COL4A5: variants seen among roughly 807,000 people sequenced by gnomAD.
The protein encoded by COL4A5 is collagen type IV alpha 5 chain, also known as collagen alpha-5(IV) chain.
COL4A5 carries 26 observed loss-of-function variants against 130.2 expected under a neutral mutation model. The observed-to-expected ratio is 0.20, with a 90% CI of 0.15 to 0.28. The LOEUF (loss-of-function observed/expected upper bound fraction) is 0.28, where lower values mean the gene tolerates loss of function less well. COL4A5 is among the 10% of genes least tolerant of loss of function. The pLI, the probability that COL4A5 is intolerant of heterozygous loss-of-function variation, is 1.00. For missense variants in COL4A5, 1,131 were observed against 1,344.3 expected (o/e 0.84, Z 2.48); for synonymous variants, 496 against 439.6 (o/e 1.13, Z -1.60).
chrX:108,621,726 G>A, intron 31 of COL4A5, 77 bp from the exon 32 acceptor site: 1 of 816,574 alleles, frequency 1.2e-6, no homozygotes, highest in Non-Finnish European at 1.8e-6. Flanking sequence ...TAGTTTTCTG[G>A]TTGACATCTT....
chrX:108,505,485 G>C (rs1028493268), intron 1 of COL4A5, among the ~76,000 whole-genome samples: 1 of 111,292 alleles, frequency 9.0e-6, no homozygotes, highest in South Asian at 3.8e-4. Context: ...AAATTCATAT[G>C]TTGAATCTCA....
At chrX:108,591,999 T>C (rs754954070) in intron 21 of COL4A5, among the ~76,000 whole-genome samples, 3 of 111,806 alleles carry the variant, frequency 2.7e-5, no homozygotes, top group Non-Finnish European at 5.6e-5. Context: ...CATAAATCCA[T>C]GATTCCTTTG....
rs199782398 is a variant in COL4A5 at position 108,686,001 on chromosome X, A to G, written c.4217-30A>G. 206 of 1,110,132 alleles carry G rather than the reference A, an allele frequency of 1.9e-4. 4 individuals are homozygous for G. In the Admixed American group the frequency reaches 4.4e-3, roughly 24 times the overall value. 91.5% of individuals were successfully genotyped at this position (1,110,132 alleles called of 1,213,427 possible). On this transcript the variant is annotated intron_variant, in intron 47 of 52. Transcript: ENST00000328300. ...GTCCAGATGTGAAAATATTCTACTCATATTTGAATGCCTCATTCTTTTCCT... is the reference window on the plus strand; with the variant it reads ...GTCCAGATGTGAAAATATTCTACTCGTATTTGAATGCCTCATTCTTTTCCT...
chrX:108,525,596 T>A (rs1652609672), intron 1 of COL4A5, among the ~76,000 whole-genome samples: 2 of 111,978 alleles, frequency 1.8e-5, no homozygotes, highest in African/African-American at 6.5e-5. Flanking sequence ...TCTTTTTTTT[T>A]ATTAAGTGAA....
At chrX:108,503,544 T>G (rs933325825) in intron 1 of COL4A5, among the ~76,000 whole-genome samples, 1 of 111,989 alleles carries the variant, frequency 8.9e-6, no homozygotes, top group Non-Finnish European at 1.9e-5. Flanking sequence ...CTAGGCTTGA[T>G]AAATGAATTC....
chrX:108,626,539 A>AC (rs1164774926), intron 36 of COL4A5, 190 bp downstream of exon 36: 6 of 1,142,246 alleles, frequency 5.3e-6, no homozygotes, highest in Non-Finnish European at 6.9e-6. Flanking sequence ...CCAGTCCAAA[A>AC]TAAAAAGGGA....
intron 1 of COL4A5, among the ~76,000 whole-genome samples, chrX:108,441,983 A>T (rs1274853507): frequency 4.5e-5 from 5 of 111,932 alleles, no homozygotes; most frequent in African/African-American, 1.6e-4. Context: ...TCATGAAGTC[A>T]TTACAGCTCT....
rs1340602930 is a variant in COL4A5 at position 108,559,107 on chromosome X, C to T, written c.185C>T (p.Pro62Leu). The T allele has an allele frequency of 2.5e-6, 3 of 1,209,625 alleles. No individual in the cohort carries two copies. Among genetic ancestry groups the T allele is most frequent in the African/African-American group, 1.7e-5 (1 of 57,217 alleles). Reference sequence around the variant, plus strand: ...GGTTTGGAAGGACACCCAGGATTGCCTGGATTTCCAGGTCCAGAAGGGCCT... The same window carrying T: ...GGTTTGGAAGGACACCCAGGATTGCTTGGATTTCCAGGTCCAGAAGGGCCT... Reference protein sequence around the residue: ...FPGLEGHPGLPGFPGPEGPPG... With the variant: ...FPGLEGHPGLLGFPGPEGPPG... The change falls in exon 3 of 53, where the codon CCT becomes CTT. Residue 62 changes from proline (P) to leucine (L), a missense_variant. By Grantham distance (98) the Pro-to-Leu change is moderately conservative (BLOSUM62 -3). Coordinates refer to ENST00000328300, the MANE Select transcript of COL4A5 (RefSeq NM_033380.3).
chrX:108,638,690 G>C (rs1018762646), intron 36 of COL4A5, among the ~76,000 whole-genome samples: 12 of 111,885 alleles, frequency 1.1e-4, no homozygotes, highest in Non-Finnish European at 1.9e-4. Flanking sequence ...CATATATGCG[G>C]AAAATAGGTA....
intron 4 of COL4A5, among the ~76,000 whole-genome samples, chrX:108,568,283 TGCC>T (rs2066004897): frequency 1.8e-5 from 2 of 111,429 alleles, no homozygotes; most frequent in African/African-American, 6.5e-5. Flanking sequence ...GAAATATATT[TGCC>T]ACTCCCCCAT....
At chrX:108,596,952 T>A in intron 22 of COL4A5, 46 bp from the exon 23 acceptor site, 1 of 1,124,194 alleles carries the variant, frequency 8.9e-7, no homozygotes, top group African/African-American at 1.8e-5. Context: ...GCTCAAAGCT[T>A]ACGTTATTGT....
rs111978148 is a variant in COL4A5 at position 108,571,316 on chromosome X, G to A, written c.385-97G>A. On this transcript the variant is annotated intron_variant, in intron 6 of 52. Coordinates refer to ENST00000328300, the MANE Select transcript of COL4A5 (RefSeq NM_033380.3). ...TTGGCAATCTGGCATGTTTCAAAATGGCTTTTATAGAAATCTTTTCAAGAA... is the reference window on the plus strand; with the variant it reads ...TTGGCAATCTGGCATGTTTCAAAATAGCTTTTATAGAAATCTTTTCAAGAA... 3.3e-3 allele frequency: 2,130 copies of A among 655,376 alleles called. 16 individuals carry two copies. The highest frequency in any genetic ancestry group is 0.023 in the East Asian group (668 of 28,642). 54.0% of individuals were successfully genotyped at this position (655,376 alleles called of 1,213,427 possible). A position where few individuals can be genotyped will look rare whatever the true frequency, so the allele number is the denominator to read the frequency against.
chrX:108,688,018 G>T (rs1477192549), intron 49 of COL4A5, among the ~76,000 whole-genome samples: 1 of 111,760 alleles, frequency 8.9e-6, no homozygotes, highest in African/African-American at 3.3e-5. Flanking sequence ...TATAGCAGCT[G>T]CTTGAGTGTG....
chrX:108,490,574 CATT>C (rs1445724516), intron 1 of COL4A5, among the ~76,000 whole-genome samples: 1 of 111,573 alleles, frequency 9.0e-6, no homozygotes, highest in Non-Finnish European at 1.9e-5. Flanking sequence ...CCTTTTTTAT[CATT>C]ATCAAGTATT....
At chrX:108,547,824 C>T (rs112031506) in intron 2 of COL4A5, among the ~76,000 whole-genome samples, 127 of 111,996 alleles carry the variant, frequency 1.1e-3, no homozygotes, top group African/African-American at 3.7e-3. Context: ...GCCCCTCCCC[C>T]AGCCTTGCTG....
chrX:108,460,520 G>A (rs1419548486), intron 1 of COL4A5, among the ~76,000 whole-genome samples: 8 of 108,693 alleles, frequency 7.4e-5, no homozygotes, highest in African/African-American at 1.7e-4. Context: ...ACAGAGTTTC[G>A]CTCTTGTTGC....
chrX:108,663,023 C>T (rs2067996360), intron 37 of COL4A5, among the ~76,000 whole-genome samples: 1 of 111,929 alleles, frequency 8.9e-6, no homozygotes, highest in Non-Finnish European at 1.9e-5. Context: ...GGAGAGAATC[C>T]AGCTCAGCTG....
intron 1 of COL4A5, among the ~76,000 whole-genome samples, chrX:108,473,633 A>ATATATTTTTTTTTTTTTT: frequency 2.9e-5 from 1 of 34,567 alleles, no homozygotes; most frequent in African/African-American, 1.1e-4. Context: ...ATATATATAT[A>ATATATTTTTTTTTTTTTT]TTTTTTTTTT....
intron 6 of COL4A5, 114 bp downstream of exon 6, chrX:108,568,935 G>A (rs908373493): frequency 1.6e-6 from 1 of 616,247 alleles, no homozygotes; most frequent in Non-Finnish European, 2.7e-6. Flanking sequence ...TCAGGTCTTG[G>A]CTATTACATA....
Sources: gnomAD v4.1 joint callset for allele counts (sites outside exome capture counted in the v4.1 genomes callset) on GRCh38, gnomAD v4.1.1 for gene constraint, MANE v1.5 for transcripts, NCBI Gene and HGNC (gene_info 2026-07-23, HGNC 2026-07-21) for gene names.